The following JMY variants were observed in gnomAD, a reference collection of about 807,000 sequenced individuals.
The protein encoded by JMY is junction-mediating and -regulatory protein.
Under a neutral mutation model 103.3 loss-of-function variants are expected in JMY, and 46 were observed. The ratio of observed to expected loss-of-function variants is 0.45; its 90% confidence interval spans 0.35 to 0.57. The LOEUF (loss-of-function observed/expected upper bound fraction) is 0.57. Among genes scored for constraint, JMY ranks in the 20% least tolerant of loss-of-function variants. JMY has a pLI of 0.00. For missense variants in JMY, 1,238 were observed against 1,255.2 expected (o/e 0.99, Z 0.21); for synonymous variants, 526 against 489.3 (o/e 1.07, Z -0.99).
At chr5:79,300,607 A>G in intron 5 of JMY, 69 bp from the exon 6 acceptor site, 1 of 1,271,446 alleles carries the variant, frequency 7.9e-7, no homozygotes, top group Non-Finnish European at 1.1e-6. Context: ...TAATGAGATT[A>G]GAACCTTGTT....
At chr5:79,310,160 T>G (rs1463981512) in intron 7 of JMY, among the ~76,000 whole-genome samples, 2 of 146,920 alleles carry the variant, frequency 1.4e-5, no homozygotes, top group African/African-American at 5.1e-5. Context: ...CCTCCTGGCT[T>G]TGAGCCATTC....
At chr5:79,284,048 C>CTT (rs1746197440) in intron 2 of JMY, 2 of 822,384 alleles carry the variant, frequency 2.4e-6, no homozygotes, top group Non-Finnish European at 3.2e-6. Context: ...GTACAAATTA[C>CTT]TTTCTTTTTT....
intron 7 of JMY, among the ~76,000 whole-genome samples, chr5:79,310,722 A>G (rs1187495585): frequency 6.6e-6 from 1 of 152,268 alleles, no homozygotes; most frequent in Non-Finnish European, 1.5e-5. Flanking sequence ...AAAACAAAAT[A>G]TGAGGATTAC....
chr5:79,310,685 ATT>A (rs1747019986), intron 7 of JMY, among the ~76,000 whole-genome samples: 1 of 152,208 alleles, frequency 6.6e-6, no homozygotes, highest in Admixed American at 6.5e-5. Context: ...AAGGAAGTTT[ATT>A]TTAATATTTG....
chr5:79,274,789 G>T (rs1745890580), intron 1 of JMY, among the ~76,000 whole-genome samples: 2 of 152,120 alleles, frequency 1.3e-5, no homozygotes, highest in Non-Finnish European at 2.9e-5. Context: ...TAGACATTGT[G>T]AATGATAAAT....
intron 1 of JMY, among the ~76,000 whole-genome samples, chr5:79,242,088 T>C (rs1286022088): frequency 6.6e-6 from 1 of 152,224 alleles, no homozygotes; most frequent in African/African-American, 2.4e-5. Flanking sequence ...TAATCATCAG[T>C]GTTCATTTTG....
intron 6 of JMY, among the ~76,000 whole-genome samples, chr5:79,302,682 A>G (rs1232509411): frequency 1.3e-5 from 2 of 152,310 alleles, no homozygotes; most frequent in Admixed American, 1.3e-4. Context: ...TACATACCAC[A>G]TTAACAAGCC....
intron 1 of JMY, among the ~76,000 whole-genome samples, chr5:79,259,836 G>A (rs1745364369): frequency 6.6e-6 from 1 of 152,230 alleles, no homozygotes; most frequent in Non-Finnish European, 1.5e-5. Flanking sequence ...GCCTTCCCAG[G>A]CCCCGGAGAG....
chr5:79,295,379 T>C (rs1047297593), intron 4 of JMY, among the ~76,000 whole-genome samples: 1 of 152,242 alleles, frequency 6.6e-6, no homozygotes, highest in Non-Finnish European at 1.5e-5. Context: ...TTAGGAAAGC[T>C]TCAGTGAGTT....
chr5:79,245,627 G>A (rs1744876472), intron 1 of JMY, among the ~76,000 whole-genome samples: 1 of 151,846 alleles, frequency 6.6e-6, no homozygotes, highest in African/African-American at 2.4e-5. Flanking sequence ...TGAGCAACTT[G>A]GTTTTTTTCT....
At chr5:79,249,634 TG>T (rs1357257386) in intron 1 of JMY, among the ~76,000 whole-genome samples, 10 of 152,226 alleles carry the variant, frequency 6.6e-5, no homozygotes, top group Non-Finnish European at 1.0e-4. Context: ...AGCATGTTTT[TG>T]GGTTTAAAAA....
Position 79,325,825 on chromosome 5 carries a change from C to T in JMY, c.*4223C>T, listed in dbSNP as rs1450856005. The T allele has an allele frequency of 5.9e-5, 9 of 152,100 alleles. No homozygotes were observed. The highest frequency in any genetic ancestry group is 6.5e-5 in the Admixed American group (1 of 15,270). 9.4% of individuals were successfully genotyped at this position (152,100 alleles called of 1,614,324 possible). A position where few individuals can be genotyped will look rare whatever the true frequency, so the allele number is the denominator to read the frequency against. On this transcript the variant is annotated 3_prime_UTR_variant, in exon 11 of 11. Coordinates refer to ENST00000396137, the MANE Select transcript of JMY (RefSeq NM_152405.5). ...AAGTGAGTTTATATTGTTGCCTAAA[C>T]TATGTTATGTAAGCAAAGGGTTTGG...
chr5:79,268,489 T>C (rs1745651079), intron 1 of JMY, among the ~76,000 whole-genome samples: 1 of 152,052 alleles, frequency 6.6e-6, no homozygotes, highest in Non-Finnish European at 1.5e-5. Flanking sequence ...TTTTATTTAT[T>C]TATTTATTTA....
chr5:79,301,869 C>T (rs1444160741), intron 6 of JMY, among the ~76,000 whole-genome samples: 1 of 151,988 alleles, frequency 6.6e-6, no homozygotes, highest in Non-Finnish European at 1.5e-5. Context: ...GGTGGATCAC[C>T]TGAGGTCAGG....
intron 1 of JMY, among the ~76,000 whole-genome samples, chr5:79,273,144 T>C (rs1745835741): frequency 6.6e-6 from 1 of 152,254 alleles, no homozygotes; most frequent in Non-Finnish European, 1.5e-5. Flanking sequence ...CAGCAATCTT[T>C]ATTCCTTTAT....
At chr5:79,249,062 C>CT (rs975131684) in intron 1 of JMY, among the ~76,000 whole-genome samples, 8 of 151,962 alleles carry the variant, frequency 5.3e-5, no homozygotes, top group South Asian at 2.1e-4. Flanking sequence ...TGTGCCTGCC[C>CT]TTTTTTTTCC....
In JMY at chr5:79,314,855, C is replaced by G; in HGVS notation, c.2659+4C>G. 1.3e-6 allele frequency: 2 copies of G among 1,541,668 alleles called. No individual in the cohort carries two copies. The highest frequency in any genetic ancestry group is 1.7e-6 in the Non-Finnish European group (2 of 1,146,178). On this transcript the variant is annotated splice_donor_region_variant and intron_variant, in intron 9 of 10. Transcript: ENST00000396137. Reference sequence around the variant, plus strand: ...GAAGGTTTGCAGAGGAGGAGAGGTACGTCAACATATTTTCATGGTCCATCT... The same window carrying G: ...GAAGGTTTGCAGAGGAGGAGAGGTAGGTCAACATATTTTCATGGTCCATCT...
intron 1 of JMY, among the ~76,000 whole-genome samples, chr5:79,262,061 T>C (rs551146447): frequency 6.6e-6 from 1 of 152,368 alleles, no homozygotes; most frequent in East Asian, 1.9e-4. Context: ...TCCTTTCTGC[T>C]GAATCCTGCT....
Position 79,236,677 on chromosome 5 carries a change from C to T in JMY, c.27C>T (p.Leu9=), listed in dbSNP as rs181685539. MSFALEET[L]ESDWVAVRPH... is the part of the protein sequence containing the mutation. ...TGTCGTTCGCGCTGGAGGAGACGCT[C>T]GAGTCGGACTGGGTGGCTGTGCGGC... Residue 9 remains leucine, a synonymous_variant, in exon 1 of 11, where the codon CTC becomes CTT. Coordinates refer to ENST00000396137, the MANE Select transcript of JMY (RefSeq NM_152405.5). 1,262 of 1,474,354 alleles carry T rather than the reference C, an allele frequency of 8.6e-4. 10 individuals carry two copies. In the African/African-American group the frequency reaches 0.017, roughly 20 times the overall value. The allele number at this position is 1,474,354 out of a possible 1,614,324, so 91.3% of individuals were successfully genotyped here. A position where few individuals can be genotyped will look rare whatever the true frequency, so the allele number is the denominator to read the frequency against.
Sources: allele counts gnomAD v4.1 joint callset (sites outside exome capture counted in the v4.1 genomes callset), GRCh38; gene constraint gnomAD v4.1.1; transcripts MANE v1.5; gene names NCBI Gene and HGNC (gene_info 2026-07-23, HGNC 2026-07-21).